The following PDZD4 variants were observed in gnomAD, a reference collection of about 807,000 sequenced individuals.
PDZD4 encodes the protein PDZ domain-containing protein 4.
PDZD4 carries 9 observed loss-of-function variants against 38.5 expected under a neutral mutation model. That is an observed-to-expected ratio of 0.23 (90% CI 0.14 to 0.41). PDZD4 has a LOEUF of 0.41. Among genes scored for constraint, PDZD4 ranks in the 10% least tolerant of loss-of-function variants. The pLI is 1.00. For missense variants in PDZD4, 612 were observed against 722.0 expected, an observed-to-expected ratio of 0.85 and a Z score of 1.75; for synonymous variants, 349 against 315.7, an observed-to-expected ratio of 1.11 and a Z score of -1.12.
chrX:153,808,298 C>T (rs1603262793), intron 2 of PDZD4, 44 bp downstream of exon 2: 2 of 1,166,904 alleles, frequency 1.7e-6, no homozygotes, highest in South Asian at 2.0e-5. Context: ...GGTGGCCTGT[C>T]CTCTCTGGAG....
Position 153,804,231 on chromosome X carries a change from G to A in PDZD4, c.1450C>T (p.Arg484Cys). ...GGCTCCACAAGCAGCGGGGTGCTGC[G>A]GCAGCTCTCCCCAGTGTTGTAGGCG... ...TSAYNTGESC[R>C]STPLLVEPLP... The change falls in exon 8 of 8, where the codon CGC (arginine) becomes TGC (cysteine). Residue 484 changes from arginine (R) to cysteine (C), a missense_variant. This residue lies in a region of PDZD4 where 300 missense variants were observed against 284.6 expected (regional missense o/e 1.05). Coordinates refer to ENST00000393758, the MANE Select transcript of PDZD4 (RefSeq NM_001303512.2). 1 of 1,206,542 alleles carries A rather than the reference G, an allele frequency of 8.3e-7. No homozygotes were observed. Among genetic ancestry groups the A allele is most frequent in the Non-Finnish European group, 1.1e-6 (1 of 893,290 alleles).
chrX:153,808,070 G>A, intron 2 of PDZD4: 2 of 1,060,377 alleles, frequency 1.9e-6, no homozygotes, highest in Non-Finnish European at 2.4e-6. Flanking sequence ...GATGGAGGAG[G>A]AGGAGCTGAG....
At chrX:153,806,200 C>T (rs1318160481) in intron 4 of PDZD4, 67 bp from the exon 5 acceptor site, 2 of 1,109,537 alleles carry the variant, frequency 1.8e-6, no homozygotes, top group Non-Finnish European at 1.2e-6. Flanking sequence ...GGGGCAGGCT[C>T]ACCTCAGGGG....
At position 153,808,638 on chromosome X, in the gene PDZD4, C is replaced by T. The variant is rs1557078090; in HGVS notation, c.61-43G>A. The stretch of plus-strand genomic sequence containing the variant: ...CTCCGTAAGAACCCTCAAAGGCTTG[C>T]TCCTCCCCTCTGAGGTCAAGGCAGA... On this transcript the variant is annotated intron_variant, in intron 1 of 7. Transcript: ENST00000393758. 6 of 1,107,757 alleles carry T rather than the reference C, an allele frequency of 5.4e-6. No individual in the cohort carries two copies. In the Admixed American group the frequency reaches 1.6e-4, roughly 30 times the overall value. 91.3% of individuals were successfully genotyped at this position (1,107,757 alleles called of 1,213,427 possible).
chrX:153,827,313 T>C (rs1327206880), intron 1 of PDZD4, among the ~76,000 whole-genome samples: 2 of 111,895 alleles, frequency 1.8e-5, no homozygotes, highest in African/African-American at 6.5e-5. Context: ...AACCCTTATA[T>C]GTTGCTGGTG....
intron 1 of PDZD4, among the ~76,000 whole-genome samples, chrX:153,819,092 C>G (rs1226202942): frequency 4.4e-5 from 5 of 112,698 alleles, no homozygotes; most frequent in Non-Finnish European, 7.5e-5. Flanking sequence ...CCCGGAGCCG[C>G]AGACAAAGAG....
intron 1 of PDZD4, among the ~76,000 whole-genome samples, chrX:153,814,475 C>G (rs1256010358): frequency 2.3e-5 from 1 of 44,153 alleles, no homozygotes; most frequent in Admixed American, 2.6e-4. Context: ...CTCCATCCAC[C>G]CCCCACCCCC....
In PDZD4 at chrX:153,804,352, C is replaced by T; in HGVS notation, c.1329G>A (p.Glu443=). 5.0e-6 allele frequency: 6 copies of T among 1,208,334 alleles called. No homozygotes were observed. Among genetic ancestry groups the T allele is most frequent in the African/African-American group, 3.4e-5 (2 of 58,042 alleles). ...TGGCCGCCAGGTCGTAGAGGCTCTC[C>T]TCCTCCAGCAGCCAGGCCTTCATGC... ...ERCMKAWLLE[E]ESLYDLAASE... is the part of the protein sequence containing the mutation. The change falls in exon 8 of 8, where the codon GAG becomes GAA. Residue 443 remains glutamate, a synonymous_variant. Coordinates refer to ENST00000393758, the MANE Select transcript of PDZD4 (RefSeq NM_001303512.2).
At chrX:153,828,107 G>T (rs781945747) in intron 1 of PDZD4, among the ~76,000 whole-genome samples, 54 of 111,564 alleles carry the variant, frequency 4.8e-4, no homozygotes, top group Non-Finnish European at 1.0e-3. Flanking sequence ...TAAAGATGGG[G>T]GAGCACCCGT....
At chrX:153,829,691 C>A in intron 1 of PDZD4, 1 of 752,700 alleles carries the variant, frequency 1.3e-6, no homozygotes, top group Non-Finnish European at 1.6e-6. Context: ...CACTGCCACC[C>A]GCAGAGAGCC....
At chrX:153,807,947 C>A in intron 2 of PDZD4, 1 of 989,807 alleles carries the variant, frequency 1.0e-6, no homozygotes, top group Non-Finnish European at 1.3e-6. Context: ...CCGGTCGGGC[C>A]AAAGAAAGAA....
chrX:153,814,302 C>T (rs1466374446), intron 1 of PDZD4, among the ~76,000 whole-genome samples: 2 of 111,290 alleles, frequency 1.8e-5, no homozygotes, highest in Non-Finnish European at 3.8e-5. Flanking sequence ...AGTGAAACCC[C>T]GTCTCAACTA....
At chrX:153,824,450 T>C (rs1291557912) in intron 1 of PDZD4, among the ~76,000 whole-genome samples, 4 of 111,359 alleles carry the variant, frequency 3.6e-5, no homozygotes, top group Non-Finnish European at 5.7e-5. Flanking sequence ...AGCGTGGATG[T>C]GCTGGCAGCA....
In PDZD4 at chrX:153,802,602, G is replaced by C. The variant is rs1191892513; in HGVS notation, c.*751C>G. ...CTCTCTCTGAGTCACTGGGGAAACA[G>C]GTGCCCCCCAGAGGCTCCCCGTTCC... On this transcript the variant is annotated 3_prime_UTR_variant, in exon 8 of 8. Coordinates refer to ENST00000393758, the MANE Select transcript of PDZD4 (RefSeq NM_001303512.2). The C allele has an allele frequency of 1.8e-5, 2 of 111,529 alleles. No individual in the cohort carries two copies. The highest frequency in any genetic ancestry group is 3.8e-5 in the Non-Finnish European group (2 of 52,932). 9.2% of individuals were successfully genotyped at this position (111,529 alleles called of 1,213,427 possible).
At chrX:153,806,912 A>ACAGCC in intron 3 of PDZD4, 72 bp from the exon 4 acceptor site, 1 of 919,374 alleles carries the variant, frequency 1.1e-6, no homozygotes, top group Non-Finnish European at 1.6e-6. Context: ...AGCAGGCAGC[A>ACAGCC]CAGCCCAGCC....
At chrX:153,828,986 A>C (rs1324158081) in intron 1 of PDZD4, among the ~76,000 whole-genome samples, 2 of 112,026 alleles carry the variant, frequency 1.8e-5, no homozygotes, top group African/African-American at 6.5e-5. Context: ...CTGAGAGGGA[A>C]GAAGGCGGAG....
At chrX:153,815,364 C>G (rs1168684607) in intron 1 of PDZD4, among the ~76,000 whole-genome samples, 1 of 112,131 alleles carries the variant, frequency 8.9e-6, no homozygotes, top group East Asian at 2.8e-4. Context: ...CACTCACTGC[C>G]CCAGGTCCCC....
chrX:153,824,986 G>A (rs781839696), intron 1 of PDZD4, among the ~76,000 whole-genome samples: 17 of 112,236 alleles, frequency 1.5e-4, no homozygotes, highest in African/African-American at 3.2e-4. Flanking sequence ...CAACAAGAGC[G>A]AAACTCTGTC....
At chrX:153,805,994 G>T in intron 5 of PDZD4, 77 bp downstream of exon 5, 1 of 1,064,468 alleles carries the variant, frequency 9.4e-7, no homozygotes, top group Non-Finnish European at 1.3e-6. Flanking sequence ...GAGAGCTAGG[G>T]ACTGGCTAAA....
Sources: allele counts gnomAD v4.1 joint callset (sites outside exome capture counted in the v4.1 genomes callset), GRCh38; gene constraint gnomAD v4.1.1; regional missense constraint gnomAD v4.1.1; transcripts MANE v1.5; gene names NCBI Gene and HGNC (gene_info 2026-07-23, HGNC 2026-07-21).